Variants in CCDC12 observed in about 807,000 individuals in gnomAD.
CCDC12 encodes coiled-coil domain containing 12.
Under a neutral mutation model 25.7 loss-of-function variants are expected in CCDC12, and 28 were observed. The observed-to-expected ratio is 1.09, with a 90% CI of 0.81 to 1.50. The LOEUF (loss-of-function observed/expected upper bound fraction) is 1.50, where lower values mean the gene tolerates loss of function less well. Ranked by LOEUF, CCDC12 falls within the 40% of genes most tolerant of loss-of-function variation. The pLI is 0.00. For missense variants in CCDC12, 198 were observed against 210.0 expected, an observed-to-expected ratio of 0.94 and a Z score of 0.35; for synonymous variants, 75 against 87.7, an observed-to-expected ratio of 0.86 and a Z score of 0.81.
At position 46,971,129 on chromosome 3, in the gene CCDC12, G is replaced by A. The variant is rs115842885; in HGVS notation, c.96+5508C>T. On this transcript the variant is annotated intron_variant, in intron 1 of 6. Transcript: ENST00000683445. The stretch of plus-strand genomic sequence containing the variant: ...GTTCCCACCTCTAAAATGCTCCCTG[G>A]GAACACTCTCCTTTCCAGCTACCTC... 5.3e-3 allele frequency among the ~76,000 whole-genome samples: 802 copies of A among 152,220 alleles called. 6 individuals carry two copies. The highest frequency in any genetic ancestry group is 0.018 in the African/African-American group (757 of 41,528).
intron 1 of CCDC12, among the ~76,000 whole-genome samples, chr3:46,963,879 C>T (rs1284092801): frequency 1.3e-5 from 2 of 152,274 alleles, no homozygotes; most frequent in Non-Finnish European, 2.9e-5. Flanking sequence ...GGCCGCCACC[C>T]CATCTGGGAA....
At chr3:46,951,579 G>T (rs1405785575) in intron 1 of CCDC12, among the ~76,000 whole-genome samples, 1 of 150,234 alleles carries the variant, frequency 6.7e-6, no homozygotes, top group Non-Finnish European at 1.5e-5. Flanking sequence ...AGGAGATCAA[G>T]ACCATCCTGG....
chr3:46,972,513 T>C (rs2034834598), intron 1 of CCDC12, among the ~76,000 whole-genome samples: 2 of 151,984 alleles, frequency 1.3e-5, no homozygotes, highest in African/African-American at 2.4e-5. Flanking sequence ...AGAAAATATA[T>C]ATACAAGTGG....
chr3:46,926,822 G>A (rs772221363), intron 2 of CCDC12, among the ~76,000 whole-genome samples: 4 of 152,096 alleles, frequency 2.6e-5, no homozygotes, highest in Non-Finnish European at 5.9e-5. Flanking sequence ...GAAAAGTCCT[G>A]GGCCTCTAAG....
chr3:46,941,202 C>T, intron 1 of CCDC12, 137 bp from the exon 2 acceptor site: 1 of 764,742 alleles, frequency 1.3e-6, no homozygotes, highest in Non-Finnish European at 2.3e-6. Flanking sequence ...CAGACTCCAA[C>T]AGGGTACACG....
At chr3:46,976,865 G>A, upstream of CCDC12, 1 of 1,427,658 alleles carries the variant, frequency 7.0e-7, no homozygotes, top group Non-Finnish European at 9.3e-7. Context: ...TCAATGCGGG[G>A]TTATTATGGG....
intron 1 of CCDC12, among the ~76,000 whole-genome samples, chr3:46,956,088 A>C (rs1333025175): frequency 1.3e-5 from 2 of 152,244 alleles, no homozygotes; most frequent in African/African-American, 4.8e-5. Flanking sequence ...TCTCTCAAAT[A>C]AACAGCCCTA....
intron 1 of CCDC12, among the ~76,000 whole-genome samples, chr3:46,972,932 G>A (rs1386233156): frequency 6.6e-6 from 1 of 151,792 alleles, no homozygotes; most frequent in African/African-American, 2.4e-5. Flanking sequence ...ATTATCATAT[G>A]ATCCAGCTGT....
intron 4 of CCDC12, 82 bp from the exon 5 acceptor site, chr3:46,923,445 G>A (rs939107890): frequency 1.3e-6 from 2 of 1,539,596 alleles, no homozygotes; most frequent in Admixed American, 1.8e-5. Context: ...GGAGGGAAAT[G>A]GGAGAAAGAG....
chr3:46,963,104 A>G (rs1198070670), intron 1 of CCDC12, among the ~76,000 whole-genome samples: 2 of 152,252 alleles, frequency 1.3e-5, no homozygotes, highest in African/African-American at 4.8e-5. Flanking sequence ...TTCCATTTAT[A>G]TAAGGTTCAA....
At chr3:46,973,495 C>G (rs1263943656) in intron 1 of CCDC12, among the ~76,000 whole-genome samples, 1 of 122,976 alleles carries the variant, frequency 8.1e-6, no homozygotes, top group East Asian at 2.3e-4. Context: ...AACTCCATCT[C>G]AAAAAAAAAA....
At position 46,930,490 on chromosome 3, in the gene CCDC12, A is replaced by G. The variant is rs545817032; in HGVS notation, c.165-4955T>C. ...GAAGGAGGGCAGCCCAGAAAGCCCA[A>G]TGGCTTCTAAGACACTATCCTTTGC... is the stretch of plus-strand genomic sequence containing the variant. On this transcript the variant is annotated intron_variant, in intron 2 of 6. Coordinates refer to ENST00000683445, the MANE Select transcript of CCDC12 (RefSeq NM_001277074.2). Among the ~76,000 whole-genome samples, 23 of 152,310 alleles carry G rather than the reference A, an allele frequency of 1.5e-4. 1 individual carries two copies. The highest frequency in any genetic ancestry group is 2.1e-4 in the South Asian group (1 of 4,832).
intron 2 of CCDC12, among the ~76,000 whole-genome samples, chr3:46,935,697 AAG>A (rs1251689395): frequency 1.3e-5 from 2 of 152,142 alleles, no homozygotes; most frequent in Non-Finnish European, 2.9e-5. Context: ...AGAGACAGGG[AAG>A]AGTCAGCCCA....
chr3:46,938,482 G>A (rs1463807139), intron 2 of CCDC12, among the ~76,000 whole-genome samples: 1 of 103,908 alleles, frequency 9.6e-6, no homozygotes, highest in South Asian at 3.1e-4. Flanking sequence ...TAAAAGTAAT[G>A]TTTTGCCATA....
chr3:46,923,723 AG>A (rs1268409563), intron 3 of CCDC12, 55 bp from the exon 4 acceptor site: 2 of 1,383,348 alleles, frequency 1.4e-6, no homozygotes, highest in African/African-American at 2.9e-5. Flanking sequence ...GCCACTCTGC[AG>A]GGACACTGCC....
chr3:46,968,226 C>T (rs184267036), intron 1 of CCDC12, among the ~76,000 whole-genome samples: 2 of 152,310 alleles, frequency 1.3e-5, no homozygotes, highest in Non-Finnish European at 2.9e-5. Flanking sequence ...CACTCCACCT[C>T]GGCTGTGACT....
chr3:46,947,558 G>A (rs1456297171), intron 1 of CCDC12, among the ~76,000 whole-genome samples: 2 of 152,204 alleles, frequency 1.3e-5, no homozygotes, highest in African/African-American at 2.4e-5. Flanking sequence ...ACTGGCAGGG[G>A]GAAAGGGGGA....
intron 1 of CCDC12, chr3:46,981,913 CCCT>C (rs2035375478): frequency 6.6e-6 from 1 of 152,292 alleles, no homozygotes; most frequent in African/African-American, 2.4e-5. Context: ...CTGAGCCTCC[CCCT>C]CCCGGAGCTC....
At position 46,923,590 on chromosome 3, in the gene CCDC12, G is replaced by A. The variant is rs1188709637; in HGVS notation, c.306+17C>T. ...ACACAGAAGCAGCGAGGATGCCAGG[G>A]TGGTCCAGGCACTCACCACCTCCTC... On this transcript the variant is annotated intron_variant, in intron 4 of 6. Transcript: ENST00000683445. The A allele has an allele frequency of 4.4e-6, 7 of 1,605,628 alleles. No individual in the cohort carries two copies. The highest frequency in any genetic ancestry group is 6.0e-6 in the Non-Finnish European group (7 of 1,176,192).
Sources: gnomAD v4.1 joint callset for allele counts (sites outside exome capture counted in the v4.1 genomes callset) on GRCh38, gnomAD v4.1.1 for gene constraint, MANE v1.5 for transcripts, NCBI Gene and HGNC (gene_info 2026-07-23, HGNC 2026-07-21) for gene names.